Variants in COP1 observed in about 807,000 individuals in gnomAD.
The protein encoded by COP1 is COP1 E3 ubiquitin ligase, also known as E3 ubiquitin-protein ligase COP1.
Under a neutral mutation model 101.3 loss-of-function variants are expected in COP1, and 24 were observed. That is an observed-to-expected ratio of 0.24 (90% CI 0.17 to 0.33). The LOEUF (loss-of-function observed/expected upper bound fraction) is 0.33, where lower values mean the gene tolerates loss of function less well. Ranked by LOEUF, COP1 falls within the 10% of genes least tolerant of loss-of-function variation. The pLI is 1.00. For missense variants in COP1, 663 were observed against 906.2 expected (o/e 0.73, Z 3.45); for synonymous variants, 347 against 341.9 (o/e 1.01, Z -0.17).
At chr1:176,006,808 A>G (rs2148914508) in intron 15 of COP1, among the ~76,000 whole-genome samples, 1 of 152,084 alleles carries the variant, frequency 6.6e-6, no homozygotes, top group South Asian at 2.1e-4. Flanking sequence ...AACTTTGGTG[A>G]ATCTGACAAT....
At chr1:175,987,124 T>C (rs532918309) in intron 17 of COP1, 21 bp from the exon 18 acceptor site, 2 of 1,257,250 alleles carry the variant, frequency 1.6e-6, no homozygotes, top group African/African-American at 1.5e-5. Flanking sequence ...ATAATAATAA[T>C]AGTATTTTAG....
intron 11 of COP1, among the ~76,000 whole-genome samples, chr1:176,058,135 T>TTGG (rs1553244710): frequency 1.5e-5 from 1 of 68,112 alleles, no homozygotes; most frequent in Non-Finnish European, 3.0e-5. Flanking sequence ...GGAGGTGGGG[T>TTGG]GGGGGGGGGG....
At chr1:175,989,171 T>C (rs1222501507) in intron 16 of COP1, 191 bp downstream of exon 16, 7 of 397,324 alleles carry the variant, frequency 1.8e-5, no homozygotes, top group Non-Finnish European at 2.7e-5. Context: ...AATTCACATA[T>C]AAAAGTGCAC....
rs552646746 is a variant in COP1, at chr1:176,060,426, C to T, written c.1278-14102G>A. On this transcript the variant is annotated intron_variant, in intron 11 of 19. Coordinates refer to ENST00000367669, the MANE Select transcript of COP1 (RefSeq NM_022457.7). ...GCTGAAAAAGAAAATATATTTTTGT[C>T]CCCAAAGTTACTACGACATTTTGTC... Among the ~76,000 whole-genome samples, 10 of 152,170 alleles carry T rather than the reference C, an allele frequency of 6.6e-5. No individual in the cohort carries two copies. In the South Asian group the frequency reaches 1.7e-3, roughly 25 times the overall value.
chr1:176,167,282 CT>C (rs1695284674), intron 3 of COP1, among the ~76,000 whole-genome samples: 1 of 152,132 alleles, frequency 6.6e-6, no homozygotes, highest in Non-Finnish European at 1.5e-5. Flanking sequence ...AAAAGCAATG[CT>C]TACCTATTAG....
At chr1:176,056,294 G>A (rs1004792948) in intron 11 of COP1, among the ~76,000 whole-genome samples, 4 of 152,058 alleles carry the variant, frequency 2.6e-5, no homozygotes, top group African/African-American at 9.7e-5. Context: ...GTTCTAGTTT[G>A]TTAATTATGT....
chr1:175,968,873 A>G (rs1652680642), intron 18 of COP1, among the ~76,000 whole-genome samples: 2 of 152,202 alleles, frequency 1.3e-5, no homozygotes, highest in Admixed American at 1.3e-4. Flanking sequence ...CTCTCTAAAC[A>G]CTTTCAACTT....
intron 9 of COP1, among the ~76,000 whole-genome samples, chr1:176,114,931 T>C: frequency 6.6e-6 from 1 of 152,138 alleles, no homozygotes; most frequent in Non-Finnish European, 1.5e-5. Flanking sequence ...ATGAAATACA[T>C]GCTGAAGTAT....
intron 18 of COP1, among the ~76,000 whole-genome samples, chr1:175,972,729 A>G (rs1653563768): frequency 6.7e-6 from 1 of 150,352 alleles, no homozygotes; most frequent in African/African-American, 2.4e-5. Context: ...ACCTCCCAAA[A>G]TGCTGAAACT....
chr1:176,139,295 A>AAC (rs1427678106), intron 6 of COP1, among the ~76,000 whole-genome samples: 1 of 151,792 alleles, frequency 6.6e-6, no homozygotes, highest in African/African-American at 2.4e-5. Flanking sequence ...AAACAAAAAA[A>AAC]AAAAACAAAA....
Position 175,944,956 on chromosome 1 carries a change from G to A in COP1, c.*197C>T. On this transcript the variant is annotated 3_prime_UTR_variant, in exon 20 of 20. Transcript: ENST00000367669. Reference sequence around the variant, plus strand: ...TCCATGGAGTTACATTGATGGTGGAGAGTTGGCTGGGTATTCCCAATGTCC... The same window carrying A: ...TCCATGGAGTTACATTGATGGTGGAAAGTTGGCTGGGTATTCCCAATGTCC... 1 of 560,808 alleles carries A rather than the reference G, an allele frequency of 1.8e-6. No homozygotes were observed. Among genetic ancestry groups the A allele is most frequent in the Non-Finnish European group, 3.1e-6 (1 of 318,562 alleles). 34.7% of individuals were successfully genotyped at this position (560,808 alleles called of 1,614,324 possible).
rs539811508 is a variant in COP1, at chr1:176,196,171, C to CA, written c.407+10400dup. On this transcript the variant is annotated intron_variant, in intron 1 of 19. Transcript: ENST00000367669. Reference sequence around the variant, plus strand: ...TAAGTGTTGCTATTGAAAAGAGGGCCAAAAATCAATGATCTAAGCTTTCGT... The same window carrying CA: ...TAAGTGTTGCTATTGAAAAGAGGGCCAAAAAATCAATGATCTAAGCTTTCGT... Among the ~76,000 whole-genome samples, 309 of 151,810 alleles carry CA rather than the reference C, an allele frequency of 2.0e-3. 3 individuals carry two copies. The highest frequency in any genetic ancestry group is 7.2e-3 in the African/African-American group (297 of 41,408).
At chr1:175,969,402 G>A (rs912454924) in intron 18 of COP1, among the ~76,000 whole-genome samples, 1 of 152,140 alleles carries the variant, frequency 6.6e-6, no homozygotes, top group Non-Finnish European at 1.5e-5. Context: ...TTCCACTGAA[G>A]CAGGTCATAA....
chr1:176,009,882 G>T (rs1027825694), intron 15 of COP1, among the ~76,000 whole-genome samples: 1 of 144,394 alleles, frequency 6.9e-6, no homozygotes, highest in Non-Finnish European at 1.5e-5. Flanking sequence ...TTACTTGGGG[G>T]GGGGGGGTCC....
chr1:176,131,606 ACTGT>A (rs1241637863), intron 8 of COP1, among the ~76,000 whole-genome samples: 2 of 152,032 alleles, frequency 1.3e-5, no homozygotes, highest in East Asian at 3.9e-4. Flanking sequence ...AAGAACAAAA[ACTGT>A]CTGGCATTTA....
intron 18 of COP1, among the ~76,000 whole-genome samples, chr1:175,980,724 A>G (rs960280205): frequency 6.6e-6 from 1 of 151,976 alleles, no homozygotes; most frequent in Non-Finnish European, 1.5e-5. Context: ...TTTTGGGGTC[A>G]CTTCTGAAGA....
chr1:176,102,009 C>T (rs1683493844), intron 9 of COP1, among the ~76,000 whole-genome samples: 1 of 152,152 alleles, frequency 6.6e-6, no homozygotes, highest in Non-Finnish European at 1.5e-5. Flanking sequence ...TCCTTCAAGC[C>T]TAAAACAGTC....
chr1:176,120,984 A>G (rs762357675), intron 8 of COP1, among the ~76,000 whole-genome samples: 3 of 152,184 alleles, frequency 2.0e-5, no homozygotes, highest in Non-Finnish European at 4.4e-5. Flanking sequence ...GGAATTATGA[A>G]TAAGAGAATC....
intron 15 of COP1, among the ~76,000 whole-genome samples, chr1:176,009,400 T>C (rs991143818): frequency 1.3e-5 from 2 of 152,154 alleles, no homozygotes; most frequent in Admixed American, 6.5e-5. Context: ...AAAAATAACA[T>C]AGTACCATAT....
Sources: gnomAD v4.1 joint callset for allele counts (sites outside exome capture counted in the v4.1 genomes callset) on GRCh38, gnomAD v4.1.1 for gene constraint, MANE v1.5 for transcripts, NCBI Gene and HGNC (gene_info 2026-07-23, HGNC 2026-07-21) for gene names.